PIGS: variants seen among roughly 807,000 people sequenced by gnomAD.
PIGS encodes phosphatidylinositol glycan anchor biosynthesis class S.
In PIGS, 37 loss-of-function variants were observed where a neutral mutation model predicts 58.2. The observed-to-expected ratio is 0.64, with a 90% CI of 0.49 to 0.84. The LOEUF (loss-of-function observed/expected upper bound fraction) is 0.84, where lower values mean the gene tolerates loss of function less well. PIGS is among the 40% of genes least tolerant of loss of function. The pLI is 0.00. For missense variants in PIGS, 629 were observed against 710.8 expected (o/e 0.88, Z 1.31); for synonymous variants, 269 against 289.2 (o/e 0.93, Z 0.71).
chr17:28,554,156 C>G lies in PIGS; in HGVS notation c.*64G>C. 6.3e-7 allele frequency: 1 copy of G among 1,577,968 alleles called. No individual in the cohort carries two copies. The highest frequency in any genetic ancestry group is 8.6e-7 in the Non-Finnish European group (1 of 1,159,812). On this transcript the variant is annotated 3_prime_UTR_variant, in exon 12 of 12. Transcript: ENST00000308360. ...ATTCCGGCAGGCCCCATGTACGTGC[C>G]TCACAATCTAACACCGCCCACCTTG... is the stretch of plus-strand genomic sequence containing the variant.
chr17:28,556,668 G>T, intron 9 of PIGS, 159 bp downstream of exon 9: 1 of 939,548 alleles, frequency 1.1e-6, no homozygotes, highest in Non-Finnish European at 1.6e-6. Flanking sequence ...CGGCAGAAGA[G>T]GGGCATGAGC....
chr17:28,559,243 G>A (rs1173377757), intron 7 of PIGS, among the ~76,000 whole-genome samples: 4 of 151,908 alleles, frequency 2.6e-5, no homozygotes, highest in Non-Finnish European at 5.9e-5. Context: ...CCAAAGTGCT[G>A]GGATTACAGG....
In PIGS at chr17:28,563,906, G is replaced by T. The variant is rs759518603; in HGVS notation, c.288C>A (p.Tyr96Ter). ...VVHEREIPLK[Y>*]KMKIKCRFQK... ...GGAAACGGCATTTGATTTTCATTTTGTCTGGGAGGGATAAGAAGTAGCACA... is the reference window on the plus strand; with the variant it reads ...GGAAACGGCATTTGATTTTCATTTTTTCTGGGAGGGATAAGAAGTAGCACA... Residue 96 changes from tyrosine to a stop codon, truncating the protein, a stop_gained and splice_region_variant, in exon 4 of 12, where the codon TAC becomes TAA. Transcript: ENST00000308360. LOFTEE classifies it high-confidence loss of function. 1.2e-6 allele frequency: 2 copies of T among 1,613,014 alleles called. No homozygotes were observed. Among genetic ancestry groups the T allele is most frequent in the Non-Finnish European group, 1.7e-6 (2 of 1,179,042 alleles).
chr17:28,560,621 T>C (rs2070357814), intron 6 of PIGS, among the ~76,000 whole-genome samples: 1 of 151,812 alleles, frequency 6.6e-6, no homozygotes, highest in South Asian at 2.1e-4. Context: ...CTACTAAAAA[T>C]ACAAAAATTA....
In PIGS at chr17:28,554,840, T is replaced by TGC; in HGVS notation, c.1392+9_1392+10dup. ...GTCCCAAGCTGCAGAATCCATCCCCTGCCTGCTTACCTCAGATGCCACGTC... is the reference window on the plus strand; with the variant it reads ...GTCCCAAGCTGCAGAATCCATCCCCTGCGCCTGCTTACCTCAGATGCCACGTC... On this transcript the variant is annotated intron_variant, in intron 11 of 11. Coordinates refer to ENST00000308360, the MANE Select transcript of PIGS (RefSeq NM_033198.4). 6.2e-7 allele frequency: 1 copy of TGC among 1,614,046 alleles called. No homozygotes were observed.
Position 28,555,024 on chromosome 17 carries a change from T to C in PIGS, c.1219A>G (p.Lys407Glu). The change falls in exon 11 of 12, where the codon AAA becomes GAA. Residue 407 changes from lysine to glutamate, a missense_variant. Transcript: ENST00000308360. Reference protein sequence around the residue: ...FGIAQPQLPPKCLLSGPTSEG... With the variant: ...FGIAQPQLPPECLLSGPTSEG... Reference sequence around the variant, plus strand: ...CTCGTAGGCCCTGAAAGCAGGCATTTTGGAGGCAGCTGGGGCTGAGCAATC... The same window carrying C: ...CTCGTAGGCCCTGAAAGCAGGCATTCTGGAGGCAGCTGGGGCTGAGCAATC... 3 of 1,611,792 alleles carry C rather than the reference T, an allele frequency of 1.9e-6. No individual in the cohort carries two copies. The highest frequency in any genetic ancestry group is 1.7e-6 in the Non-Finnish European group (2 of 1,178,906).
At chr17:28,563,984 C>A in intron 3 of PIGS, 77 bp from the exon 4 acceptor site, 8 of 1,274,532 alleles carry the variant, frequency 6.3e-6, no homozygotes, top group Non-Finnish European at 9.1e-6. Context: ...CTAACACTGT[C>A]CAGCATCTGA....
chr17:28,560,139 G>T lies in PIGS; in HGVS notation c.729C>A (p.Val243=), dbSNP rs554900041. ...GGACAGCCCCCTCAATGTCCCAGTA[G>T]ACATCATGGGACTTGGGGTCTGGGT... is the stretch of plus-strand genomic sequence containing the variant. ...LLNPDPKSHD[V]YWDIEGAVRR... Residue 243 remains valine, a synonymous_variant, in exon 7 of 12, where the codon GTC becomes GTA. Transcript: ENST00000308360. 1 of 1,612,908 alleles carries T rather than the reference G, an allele frequency of 6.2e-7. No individual in the cohort carries two copies. Among genetic ancestry groups the T allele is most frequent in the African/African-American group, 1.3e-5 (1 of 74,980 alleles).
intron 6 of PIGS, among the ~76,000 whole-genome samples, chr17:28,560,542 C>A (rs2070357423): frequency 6.6e-6 from 1 of 152,074 alleles, no homozygotes. Context: ...CTTTGGGAGG[C>A]CGAGGCAGGC....
intron 1 of PIGS, 129 bp from the exon 2 acceptor site, chr17:28,571,317 C>T (rs555268731): frequency 2.6e-6 from 4 of 1,514,016 alleles, no homozygotes; most frequent in African/African-American, 1.4e-5. Flanking sequence ...TGCGAAGGGA[C>T]CCGGCCCAAG....
chr17:28,558,559 G>A lies in PIGS; in HGVS notation c.851C>T (p.Pro284Leu). The A allele has an allele frequency of 6.2e-7, 1 of 1,612,674 alleles. No homozygotes were observed. Among genetic ancestry groups the A allele is most frequent in the East Asian group, 2.2e-5 (1 of 44,838 alleles). The change falls in exon 8 of 12, where the codon CCC becomes CTC. Residue 284 changes from proline (P) to leucine (L), a missense_variant. By Grantham distance (98) the Pro-to-Leu change is moderately conservative. Transcript: ENST00000308360. Reference sequence around the variant, plus strand: ...GCTGGAGGAAGCTGAGTCAAAGCGGGGATTCACCCCCAACATTGCATAGTA... The same window carrying A: ...GCTGGAGGAAGCTGAGTCAAAGCGGAGATTCACCCCCAACATTGCATAGTA... ...ILYYAMLGVN[P>L]RFDSASSSYY...
chr17:28,565,097 C>T (rs909391658), intron 3 of PIGS, among the ~76,000 whole-genome samples: 6 of 152,102 alleles, frequency 3.9e-5, no homozygotes, highest in African/African-American at 1.4e-4. Context: ...TTTGAAGTAG[C>T]ATAATTATTT....
In PIGS at chr17:28,554,025, T is replaced by C. The variant is rs746560613; in HGVS notation, c.*195A>G. 9.7e-5 allele frequency: 66 copies of C among 678,274 alleles called. No individual in the cohort carries two copies. The highest frequency in any genetic ancestry group is 4.2e-4 in the Middle Eastern group (1 of 2,406). 42.0% of individuals were successfully genotyped at this position (678,274 alleles called of 1,614,324 possible). On this transcript the variant is annotated 3_prime_UTR_variant, in exon 12 of 12. Coordinates refer to ENST00000308360, the MANE Select transcript of PIGS (RefSeq NM_033198.4). ...TGAGGCCCCTGGTGGTGGAGGAGGA[T>C]TGAGCCAGGTGAATGGGAAAGGAAG...
At chr17:28,565,162 T>C (rs2070387099) in intron 3 of PIGS, among the ~76,000 whole-genome samples, 1 of 152,128 alleles carries the variant, frequency 6.6e-6, no homozygotes, top group African/African-American at 2.4e-5. Flanking sequence ...AACAGTTCAA[T>C]AAGATGACTA....
chr17:28,564,471 T>C (rs1333415135), intron 3 of PIGS, among the ~76,000 whole-genome samples: 1 of 152,104 alleles, frequency 6.6e-6, no homozygotes, highest in African/African-American at 2.4e-5. Context: ...CCCAGCACTT[T>C]GGGAGGCCAA....
chr17:28,558,147 AT>A (rs898002266), intron 8 of PIGS, among the ~76,000 whole-genome samples: 1 of 152,152 alleles, frequency 6.6e-6, no homozygotes, highest in African/African-American at 2.4e-5. Context: ...TCTAAAAAAA[AT>A]TTTGAAAATT....
intron 10 of PIGS, 187 bp from the exon 11 acceptor site, chr17:28,555,248 G>T: frequency 1.8e-6 from 1 of 554,142 alleles, no homozygotes; most frequent in Non-Finnish European, 3.1e-6. Flanking sequence ...GGCCCCAAAC[G>T]CTGCTTCAAC....
chr17:28,567,206 A>G (rs1346662469), intron 3 of PIGS, among the ~76,000 whole-genome samples: 5 of 152,224 alleles, frequency 3.3e-5, no homozygotes, highest in Non-Finnish European at 7.3e-5. Flanking sequence ...ACAACTAGCC[A>G]TTAAGTGCTT....
chr17:28,570,699 G>A (rs961247759), intron 3 of PIGS, among the ~76,000 whole-genome samples, 153 bp downstream of exon 3: 2 of 152,256 alleles, frequency 1.3e-5, no homozygotes, highest in East Asian at 3.9e-4. Context: ...GAATTTGAAA[G>A]TAGTTTTTTT....
Sources: gnomAD v4.1 joint callset for allele counts (sites outside exome capture counted in the v4.1 genomes callset) on GRCh38, gnomAD v4.1.1 for gene constraint, MANE v1.5 for transcripts, NCBI Gene and HGNC (gene_info 2026-07-23, HGNC 2026-07-21) for gene names.